Variants in APCDD1L observed in about 807,000 individuals in gnomAD.
APCDD1L encodes APC down-regulated 1 like.
A neutral mutation model predicts 24.2 loss-of-function variants in APCDD1L; 21 were observed. The ratio of observed to expected loss-of-function variants is 0.87; its 90% confidence interval spans 0.61 to 1.25. The LOEUF (loss-of-function observed/expected upper bound fraction) is 1.25. APCDD1L is among the 50% of genes most tolerant of loss of function. The pLI, the probability that APCDD1L is intolerant of heterozygous loss-of-function variation, is 0.00. For synonymous variants in APCDD1L, 321 were observed against 323.6 expected, an observed-to-expected ratio of 0.99 and a Z score of 0.09; for missense variants, 704 against 711.7, an observed-to-expected ratio of 0.99 and a Z score of 0.12.
intron 1 of APCDD1L, among the ~76,000 whole-genome samples, chr20:58,513,556 G>T (rs186425985): frequency 2.0e-4 from 30 of 152,330 alleles, no homozygotes; most frequent in Admixed American, 3.3e-4. Context: ...TGATTGAAGA[G>T]CTCCTCGAGG....
At chr20:58,463,875 AT>A (rs1161017435) in intron 3 of APCDD1L, among the ~76,000 whole-genome samples, 1 of 107,598 alleles carries the variant, frequency 9.3e-6, no homozygotes, top group Non-Finnish European at 1.7e-5. Flanking sequence ...ATACTGGATG[AT>A]TGAGAACAGT....
In APCDD1L at chr20:58,494,009, A is replaced by G. The variant is rs1242296420; in HGVS notation, c.49+20650T>C. On this transcript the variant is annotated intron_variant, in intron 1 of 3. Coordinates refer to ENST00000371149, the MANE Select transcript of APCDD1L (RefSeq NM_153360.3). This position sits in a 1 kb window ranked among gnomAD's most constrained non-coding sequence, Gnocchi z 4.8. ...AGTATGTATTATATACTGTATTCTTACAATAAAGTGAGCTAGAGAAAAGGT... is the reference window on the plus strand; with the variant it reads ...AGTATGTATTATATACTGTATTCTTGCAATAAAGTGAGCTAGAGAAAAGGT... 6.6e-6 allele frequency among the ~76,000 whole-genome samples: 1 copy of G among 152,262 alleles called. No individual in the cohort carries two copies. The highest frequency in any genetic ancestry group is 1.5e-5 in the Non-Finnish European group (1 of 68,046).
Position 58,460,400 on chromosome 20 carries a change from A to C in APCDD1L, c.*390T>G. On this transcript the variant is annotated 3_prime_UTR_variant, in exon 4 of 4. Transcript: ENST00000371149. The surrounding 1 kb of genome is among the most constrained non-coding windows in gnomAD (Gnocchi z 4.2). The stretch of plus-strand genomic sequence containing the variant: ...GGATCTCCTCTTGCTCCCATCTTGG[A>C]ATCCCAAGGGTCAGGATGGGAAGAA... 1 of 177,344 alleles carries C rather than the reference A, an allele frequency of 5.6e-6. No individual in the cohort carries two copies. The highest frequency in any genetic ancestry group is 2.3e-5 in the African/African-American group (1 of 42,560). The allele number at this position is 177,344 out of a possible 1,614,324, so 11.0% of individuals were successfully genotyped here.
chr20:58,491,673 A>G (rs1990228052), intron 1 of APCDD1L, among the ~76,000 whole-genome samples: 1 of 152,258 alleles, frequency 6.6e-6, no homozygotes, highest in African/African-American at 2.4e-5. Flanking sequence ...TCACAGGTAT[A>G]ATAGATTCCA....
At chr20:58,490,879 T>A (rs1389533809) in intron 1 of APCDD1L, among the ~76,000 whole-genome samples, 1 of 152,142 alleles carries the variant, frequency 6.6e-6, no homozygotes, top group Non-Finnish European at 1.5e-5. Context: ...TTTATGGACA[T>A]GGTTGTGAAA....
chr20:58,513,658 A>G (rs1472556810), intron 1 of APCDD1L, among the ~76,000 whole-genome samples: 1 of 152,184 alleles, frequency 6.6e-6, no homozygotes, highest in Non-Finnish European at 1.5e-5. Flanking sequence ...CTCGGCTGCC[A>G]TTCCCTGAAC....
chr20:58,488,388 A>G (rs779977502), intron 1 of APCDD1L, among the ~76,000 whole-genome samples: 105 of 152,294 alleles, frequency 6.9e-4, no homozygotes, highest in Admixed American at 1.3e-3. Context: ...ACATACATAT[A>G]TATATTACTG....
chr20:58,514,178 C>T (rs181541689), intron 1 of APCDD1L, among the ~76,000 whole-genome samples: 1 of 152,194 alleles, frequency 6.6e-6, no homozygotes. Context: ...GGTCACTGCG[C>T]GCTCCCTAGC....
chr20:58,479,212 C>T (rs898253903), intron 1 of APCDD1L, among the ~76,000 whole-genome samples: 4 of 152,192 alleles, frequency 2.6e-5, no homozygotes, highest in African/African-American at 9.7e-5. Flanking sequence ...TTTTATCCGG[C>T]TCCAAGTACT....
Position 58,467,899 on chromosome 20 carries a change from A to C in APCDD1L, c.189-241T>G, listed in dbSNP as rs1989748589. ...CTTCTAGTTCATTCTCCTTTCCTTC[A>C]ATCTGAATTGCCCTGCTGGAGGGCC... On this transcript the variant is annotated intron_variant, in intron 2 of 3. Coordinates refer to ENST00000371149, the MANE Select transcript of APCDD1L (RefSeq NM_153360.3). This position sits in a 1 kb window ranked among gnomAD's most constrained non-coding sequence, Gnocchi z 5.9. Among the ~76,000 whole-genome samples, 1 of 151,862 alleles carries C rather than the reference A, an allele frequency of 6.6e-6. No homozygotes were observed. The highest frequency in any genetic ancestry group is 1.5e-5 in the Non-Finnish European group (1 of 67,950).
intron 1 of APCDD1L, among the ~76,000 whole-genome samples, chr20:58,495,588 G>T (rs1298098266): frequency 4.6e-5 from 7 of 152,126 alleles, no homozygotes; most frequent in African/African-American, 1.7e-4. Flanking sequence ...AACCCAACAC[G>T]TCTAGGTTGG....
intron 1 of APCDD1L, among the ~76,000 whole-genome samples, chr20:58,477,881 A>G (rs1989942004): frequency 6.6e-6 from 1 of 152,134 alleles, no homozygotes; most frequent in Admixed American, 6.5e-5. Context: ...CAGCCTCCCA[A>G]AGTGCTGGGA....
intron 2 of APCDD1L, among the ~76,000 whole-genome samples, chr20:58,470,327 C>T (rs1989785762): frequency 6.6e-6 from 1 of 152,330 alleles, no homozygotes; most frequent in Non-Finnish European, 1.5e-5. Context: ...GCATGTTGAG[C>T]GCATGTCCCA....
chr20:58,481,699 G>T (rs6064658), intron 1 of APCDD1L, among the ~76,000 whole-genome samples: 1 of 152,140 alleles, frequency 6.6e-6, no homozygotes, highest in African/African-American at 2.4e-5. Context: ...TGGTTGGGGC[G>T]ATTGGGAGCC....
At chr20:58,489,162 T>C (rs1200257671) in intron 1 of APCDD1L, among the ~76,000 whole-genome samples, 1 of 152,100 alleles carries the variant, frequency 6.6e-6, no homozygotes, top group Non-Finnish European at 1.5e-5. Flanking sequence ...TGAGGAGTAA[T>C]TTAAAAATCT....
intron 1 of APCDD1L, among the ~76,000 whole-genome samples, chr20:58,496,653 T>TG (rs1260145120): frequency 6.6e-6 from 1 of 152,156 alleles, no homozygotes; most frequent in Non-Finnish European, 1.5e-5. Context: ...GGGGTCAGCA[T>TG]GGGGCAGACA....
rs1989593256 is a variant in APCDD1L at position 58,461,181 on chromosome 20, T to G, written c.1115A>C (p.Asn372Thr). Residue 372 changes from asparagine (N) to threonine (T), a missense_variant, in exon 4 of 4, where the codon AAC becomes ACC. By Grantham distance (65) the Asn-to-Thr change is moderately conservative. Transcript: ENST00000371149. The surrounding 1 kb of genome is among the most constrained non-coding windows in gnomAD (Gnocchi z 6.0). The stretch of plus-strand genomic sequence containing the variant: ...CCCACAGCTGCTTGGCTCAGAGAAG[T>G]TGAGCATGGCCGTGGTGACCTGGTC... ...PMDQVTTAMLNFSEPSSCGGA... is the reference protein window; with the variant it reads ...PMDQVTTAMLTFSEPSSCGGA... 1 of 1,613,118 alleles carries G rather than the reference T, an allele frequency of 6.2e-7. No homozygotes were observed. Among genetic ancestry groups the G allele is most frequent in the African/African-American group, 1.3e-5 (1 of 74,876 alleles).
In APCDD1L at chr20:58,460,558, C is replaced by T. The variant is rs938243527; in HGVS notation, c.*232G>A. 11 of 427,948 alleles carry T rather than the reference C, an allele frequency of 2.6e-5. No homozygotes were observed. Among genetic ancestry groups the T allele is most frequent in the South Asian group, 1.0e-4 (1 of 9,634 alleles). The allele number at this position is 427,948 out of a possible 1,614,324, so 26.5% of individuals were successfully genotyped here. On this transcript the variant is annotated 3_prime_UTR_variant, in exon 4 of 4. Coordinates refer to ENST00000371149, the MANE Select transcript of APCDD1L (RefSeq NM_153360.3). The surrounding 1 kb of genome is among the most constrained non-coding windows in gnomAD (Gnocchi z 4.2). Reference sequence around the variant, plus strand: ...CTCACGTAGCGATGAACATCACTGCCGCATCCAAGTGCTTGACTGGGGACC... The same window carrying T: ...CTCACGTAGCGATGAACATCACTGCTGCATCCAAGTGCTTGACTGGGGACC...
rs1990559334 is a variant in APCDD1L at position 58,508,314 on chromosome 20, A to G, written c.49+6345T>C. ...GCCACTATCCTCCCTAAGAAGAAAGAGAGGTTATCTGTGAAGTGTGTGGAG... is the reference window on the plus strand; with the variant it reads ...GCCACTATCCTCCCTAAGAAGAAAGGGAGGTTATCTGTGAAGTGTGTGGAG... On this transcript the variant is annotated intron_variant, in intron 1 of 3. Coordinates refer to ENST00000371149, the MANE Select transcript of APCDD1L (RefSeq NM_153360.3). The surrounding 1 kb of genome is among the most constrained non-coding windows in gnomAD (Gnocchi z 4.0). Among the ~76,000 whole-genome samples, 1 of 152,118 alleles carries G rather than the reference A, an allele frequency of 6.6e-6. No homozygotes were observed. Among genetic ancestry groups the G allele is most frequent in the Non-Finnish European group, 1.5e-5 (1 of 68,022 alleles).
Sources: allele counts gnomAD v4.1 joint callset (sites outside exome capture counted in the v4.1 genomes callset), GRCh38; gene constraint gnomAD v4.1.1; non-coding constraint Gnocchi (gnomAD v3.1); transcripts MANE v1.5; gene names NCBI Gene and HGNC (gene_info 2026-07-23, HGNC 2026-07-21).